Variants in AGO4 observed in about 807,000 individuals in gnomAD.
The protein encoded by AGO4 is argonaute RISC component 4.
A neutral mutation model predicts 104.7 loss-of-function variants in AGO4; 33 were observed. The observed-to-expected ratio is 0.32, with a 90% CI of 0.24 to 0.42. The LOEUF is 0.42. Ranked by LOEUF, AGO4 falls within the 10% of genes least tolerant of loss-of-function variation. AGO4 has a pLI of 1.00. For missense variants in AGO4, 711 were observed against 1,083.4 expected (o/e 0.66, Z 4.83); for synonymous variants, 331 against 364.7 (o/e 0.91, Z 1.05).
chr1:35,846,609 AT>A, intron 15 of AGO4, among the ~76,000 whole-genome samples: 1 of 3,536 alleles, frequency 2.8e-4, no homozygotes, highest in Middle Eastern at 0.17. Flanking sequence ...AAAAAGATAT[AT>A]ATATATATAT....
chr1:35,831,677 A>G, intron 8 of AGO4, 103 bp downstream of exon 8: 1 of 1,536,554 alleles, frequency 6.5e-7, no homozygotes, highest in Non-Finnish European at 8.8e-7. Context: ...AATTTCTAAA[A>G]TATTTTTGGC....
intron 3 of AGO4, among the ~76,000 whole-genome samples, chr1:35,824,842 T>C (rs772517518): frequency 2.6e-5 from 4 of 152,208 alleles, no homozygotes; most frequent in African/African-American, 4.8e-5. Context: ...AATGGCATTA[T>C]GTATGTTCAC....
intron 13 of AGO4, among the ~76,000 whole-genome samples, chr1:35,837,228 GCAC>G (rs1052481532): frequency 1.3e-5 from 2 of 152,036 alleles, no homozygotes; most frequent in Non-Finnish European, 1.5e-5. Context: ...GATTACAGGT[GCAC>G]ACCACCATGC....
chr1:35,813,054 A>G (rs1643561058), intron 1 of AGO4, among the ~76,000 whole-genome samples: 1 of 152,130 alleles, frequency 6.6e-6, no homozygotes, highest in African/African-American at 2.4e-5. Flanking sequence ...TAATTGTCTT[A>G]TCAATTGTAT....
chr1:35,850,409 T>C, intron 16 of AGO4, 151 bp downstream of exon 16: 3 of 709,900 alleles, frequency 4.2e-6, no homozygotes, highest in South Asian at 3.1e-5. Flanking sequence ...TATCTGCTTG[T>C]AGGTGTGCTA....
intron 15 of AGO4, among the ~76,000 whole-genome samples, chr1:35,843,869 A>G (rs1020926909): frequency 2.6e-5 from 4 of 152,100 alleles, no homozygotes; most frequent in Non-Finnish European, 4.4e-5. Context: ...GCTATCTCAT[A>G]GTTTTATTCT....
chr1:35,841,132 T>C lies in AGO4; in HGVS notation c.1725-33T>C. ...AAACTCAAACATTTTCACTTATATGTCTGAGTGGCAACATCTCCTTAAATC... is the reference window on the plus strand; with the variant it reads ...AAACTCAAACATTTTCACTTATATGCCTGAGTGGCAACATCTCCTTAAATC... On this transcript the variant is annotated intron_variant, in intron 13 of 17. Coordinates refer to ENST00000373210, the MANE Select transcript of AGO4 (RefSeq NM_017629.4). The surrounding 1 kb of genome is among the most constrained non-coding windows in gnomAD (Gnocchi z 4.7). 6.3e-7 allele frequency: 1 copy of C among 1,591,550 alleles called. No homozygotes were observed. The highest frequency in any genetic ancestry group is 8.6e-7 in the Non-Finnish European group (1 of 1,162,976).
intron 11 of AGO4, among the ~76,000 whole-genome samples, chr1:35,833,069 A>G (rs924241805): frequency 6.6e-6 from 1 of 152,142 alleles, no homozygotes; most frequent in Non-Finnish European, 1.5e-5. Context: ...TCATGGGGTC[A>G]GGAGATCGAG....
At chr1:35,849,731 A>G (rs545217305) in intron 15 of AGO4, among the ~76,000 whole-genome samples, 45 of 152,072 alleles carry the variant, frequency 3.0e-4, no homozygotes, top group Non-Finnish European at 5.9e-4. Context: ...AACCTGGTAA[A>G]CCAGTTTAAA....
chr1:35,835,037 G>T (rs1226906133), intron 12 of AGO4, among the ~76,000 whole-genome samples: 1 of 143,082 alleles, frequency 7.0e-6, no homozygotes, highest in Non-Finnish European at 1.5e-5. Flanking sequence ...TTGAGGCAGG[G>T]TCCTGCTCTG....
In AGO4 at chr1:35,841,271, G is replaced by A; in HGVS notation, c.1831G>A (p.Asp611Asn). 7 of 1,614,144 alleles carry A rather than the reference G, an allele frequency of 4.3e-6. No individual in the cohort carries two copies. Among genetic ancestry groups the A allele is most frequent in the Non-Finnish European group, 5.9e-6 (7 of 1,180,042 alleles). ...CATTGCTGCTGTGGTTGGCAGTATG[G>A]ATGGCCACCCCAGCCGGTACTGTGC... is the stretch of plus-strand genomic sequence containing the variant. ...PSIAAVVGSM[D>N]GHPSRYCATV... Residue 611 changes from aspartate to asparagine, a missense_variant, in exon 14 of 18, where the codon GAT becomes AAT. Asp to Asn is a conservative substitution (Grantham distance 23). Coordinates refer to ENST00000373210, the MANE Select transcript of AGO4 (RefSeq NM_017629.4). This position sits in a 1 kb window ranked among gnomAD's most constrained non-coding sequence, Gnocchi z 4.7.
rs1644768624 is a variant in AGO4 at position 35,854,117 on chromosome 1, T to C, written c.*512T>C. On this transcript the variant is annotated 3_prime_UTR_variant, in exon 18 of 18. Transcript: ENST00000373210. ...TCTGACTTTGCCACTGTAAATGCCT[T>C]TAATGAGCATTAATTTTTGAAAGTT... 6.6e-6 allele frequency: 1 copy of C among 152,448 alleles called. No homozygotes were observed. Among genetic ancestry groups the C allele is most frequent in the Non-Finnish European group, 1.5e-5 (1 of 68,160 alleles). 9.4% of individuals were successfully genotyped at this position (152,448 alleles called of 1,614,324 possible). A position where few individuals can be genotyped will look rare whatever the true frequency, so the allele number is the denominator to read the frequency against.
intron 13 of AGO4, among the ~76,000 whole-genome samples, chr1:35,836,720 C>T (rs1644324385): frequency 6.6e-6 from 1 of 152,082 alleles, no homozygotes; most frequent in Admixed American, 6.6e-5. Context: ...TGGATATTTT[C>T]ATACATTCAT....
Position 35,808,524 on chromosome 1 carries a change from G to A in AGO4, c.19+89G>A. On this transcript the variant is annotated intron_variant, in intron 1 of 17. Coordinates refer to ENST00000373210, the MANE Select transcript of AGO4 (RefSeq NM_017629.4). This position sits in a 1 kb window ranked among gnomAD's most constrained non-coding sequence, Gnocchi z 5.2. ...CTTTCGCTGCCCCGTCGCCTCGCCGGGTTCGGGCCGCCAGGCCTCGGGGAA... is the reference window on the plus strand; with the variant it reads ...CTTTCGCTGCCCCGTCGCCTCGCCGAGTTCGGGCCGCCAGGCCTCGGGGAA... The A allele has an allele frequency of 8.9e-7, 1 of 1,119,570 alleles. No individual in the cohort carries two copies. The highest frequency in any genetic ancestry group is 1.1e-6 in the Non-Finnish European group (1 of 905,202). The allele number at this position is 1,119,570 out of a possible 1,614,324, so 69.4% of individuals were successfully genotyped here. A position where few individuals can be genotyped will look rare whatever the true frequency, so the allele number is the denominator to read the frequency against.
intron 2 of AGO4, among the ~76,000 whole-genome samples, chr1:35,821,161 TTACTC>T (rs1643879129): frequency 6.6e-6 from 1 of 152,204 alleles, no homozygotes; most frequent in South Asian, 2.1e-4. Flanking sequence ...AAGTAGCTCT[TTACTC>T]TAAAACTTTT....
intron 13 of AGO4, among the ~76,000 whole-genome samples, chr1:35,839,779 T>C (rs1644395959): frequency 6.6e-6 from 1 of 152,022 alleles, no homozygotes; most frequent in Admixed American, 6.5e-5. Context: ...TTGTCAAGTA[T>C]GGGATGCCTC....
chr1:35,828,162 A>G (rs375532498), intron 7 of AGO4, among the ~76,000 whole-genome samples: 11 of 152,070 alleles, frequency 7.2e-5, no homozygotes, highest in African/African-American at 2.7e-4. Flanking sequence ...TTTTATATGT[A>G]TGTATGTATC....
chr1:35,809,840 A>G (rs1643440956), intron 1 of AGO4, among the ~76,000 whole-genome samples: 1 of 152,194 alleles, frequency 6.6e-6, no homozygotes, highest in African/African-American at 2.4e-5. Flanking sequence ...AGTATATGAT[A>G]AGTCTTATTG....
chr1:35,846,575 A>G (rs1644578890), intron 15 of AGO4, among the ~76,000 whole-genome samples: 1 of 147,364 alleles, frequency 6.8e-6, no homozygotes, highest in African/African-American at 2.5e-5. Context: ...CCAGCCTGGG[A>G]GACAGAGTGA....
Sources: allele counts gnomAD v4.1 joint callset (sites outside exome capture counted in the v4.1 genomes callset), GRCh38; gene constraint gnomAD v4.1.1; non-coding constraint Gnocchi (gnomAD v3.1); transcripts MANE v1.5; gene names NCBI Gene and HGNC (gene_info 2026-07-23, HGNC 2026-07-21).